CDC123: variants seen among roughly 807,000 people sequenced by gnomAD.
The protein encoded by CDC123 is cell division cycle 123.
CDC123 carries 37 observed loss-of-function variants against 54.4 expected under a neutral mutation model. The observed-to-expected ratio is 0.68, with a 90% CI of 0.52 to 0.89. The LOEUF (loss-of-function observed/expected upper bound fraction) is 0.89, where lower values mean the gene tolerates loss of function less well. CDC123 is among the 40% of genes least tolerant of loss of function. The pLI is 0.00. For synonymous variants in CDC123, 144 were observed against 136.8 expected (o/e 1.05, Z -0.37); for missense variants, 361 against 412.1 (o/e 0.88, Z 1.07).
At chr10:12,223,088 G>A (rs1332375385) in intron 6 of CDC123, among the ~76,000 whole-genome samples, 3 of 151,348 alleles carry the variant, frequency 2.0e-5, no homozygotes, top group Admixed American at 2.0e-4. Flanking sequence ...TAGAGACGGG[G>A]TTTCACCGTA....
At chr10:12,209,120 C>G (rs548567703) in intron 2 of CDC123, among the ~76,000 whole-genome samples, 12 of 152,276 alleles carry the variant, frequency 7.9e-5, no homozygotes, top group Admixed American at 7.8e-4. Context: ...CTAGATGATT[C>G]TCAGTATTAT....
At position 12,248,143 on chromosome 10, in the gene CDC123, C is replaced by G. The variant is rs562781957; in HGVS notation, c.847-1438C>G. On this transcript the variant is annotated intron_variant, in intron 11 of 12. Transcript: ENST00000281141. Reference sequence around the variant, plus strand: ...ATAGACCTTTGTAAATAAATGAAATCATACTACATACTCAATTACATGTCC... The same window carrying G: ...ATAGACCTTTGTAAATAAATGAAATGATACTACATACTCAATTACATGTCC... Among the ~76,000 whole-genome samples, 8 of 152,278 alleles carry G rather than the reference C, an allele frequency of 5.3e-5. No individual in the cohort carries two copies. The East Asian group carries it at 1.5e-3, about 29-fold the overall frequency.
intron 11 of CDC123, chr10:12,246,521 G>C (rs965652074): frequency 2.7e-6 from 1 of 370,660 alleles, no homozygotes; most frequent in African/African-American, 2.1e-5. Flanking sequence ...AGCTTCTTCT[G>C]TCACACCCAC....
chr10:12,235,594 GT>G (rs1835968567), intron 8 of CDC123, among the ~76,000 whole-genome samples: 1 of 152,148 alleles, frequency 6.6e-6, no homozygotes, highest in South Asian at 2.1e-4. Context: ...TTCCTCTCAG[GT>G]TACTGTTCTG....
At position 12,239,964 on chromosome 10, in the gene CDC123, C is replaced by T. The variant is rs1472807888; in HGVS notation, c.717+1479C>T. On this transcript the variant is annotated intron_variant, in intron 10 of 12. Transcript: ENST00000281141. ...CGGAGCTTGCAGTGAGCCGAGATCGCGCCACTGCACTCCAGCCTGGGCTAC... is the reference window on the plus strand; with the variant it reads ...CGGAGCTTGCAGTGAGCCGAGATCGTGCCACTGCACTCCAGCCTGGGCTAC... Among the ~76,000 whole-genome samples, 5 of 146,904 alleles carry T rather than the reference C, an allele frequency of 3.4e-5. No individual in the cohort carries two copies. The East Asian group carries it at 8.0e-4, about 24-fold the overall frequency.
chr10:12,204,781 C>G (rs1260032365), intron 2 of CDC123, among the ~76,000 whole-genome samples: 1 of 151,966 alleles, frequency 6.6e-6, no homozygotes, highest in Non-Finnish European at 1.5e-5. Context: ...CACCTGAGGT[C>G]AGGAGTTCAA....
intron 3 of CDC123, 108 bp downstream of exon 3, chr10:12,210,132 T>G: frequency 1.4e-6 from 2 of 1,449,442 alleles, no homozygotes; most frequent in South Asian, 2.4e-5. Flanking sequence ...AATGAGAAAT[T>G]ACGTGAGAAT....
intron 10 of CDC123, among the ~76,000 whole-genome samples, chr10:12,239,569 G>A (rs1459503217): frequency 2.0e-5 from 3 of 151,822 alleles, no homozygotes; most frequent in East Asian, 1.9e-4. Flanking sequence ...AAAATTAGCC[G>A]GGCATGGTGG....
intron 6 of CDC123, among the ~76,000 whole-genome samples, chr10:12,228,562 G>A (rs1379636858): frequency 6.6e-6 from 1 of 151,280 alleles, no homozygotes; most frequent in Non-Finnish European, 1.5e-5. Flanking sequence ...TACACCACCA[G>A]GCCTGGCTAA....
At chr10:12,209,624 G>A (rs938805743) in intron 2 of CDC123, among the ~76,000 whole-genome samples, 2 of 152,048 alleles carry the variant, frequency 1.3e-5, no homozygotes, top group African/African-American at 4.8e-5. Context: ...GCAGTGGCAC[G>A]ATCTTAACTC....
intron 6 of CDC123, among the ~76,000 whole-genome samples, chr10:12,217,980 T>G (rs1171533110): frequency 6.6e-6 from 1 of 152,016 alleles, no homozygotes; most frequent in East Asian, 1.9e-4. Context: ...TCTCAGCTAC[T>G]CGGGAGGCTG....
chr10:12,212,254 T>G (rs1835612727), intron 4 of CDC123, among the ~76,000 whole-genome samples: 1 of 152,120 alleles, frequency 6.6e-6, no homozygotes, highest in South Asian at 2.1e-4. Flanking sequence ...TTGATCTTGG[T>G]TTCTAAATAC....
intron 2 of CDC123, among the ~76,000 whole-genome samples, chr10:12,199,988 A>C (rs535506318): frequency 2.0e-5 from 3 of 150,998 alleles, no homozygotes; most frequent in African/African-American, 7.3e-5. Flanking sequence ...CGCCTGGCTA[A>C]TTTTTTTTAT....
chr10:12,220,901 C>T (rs765544493), intron 6 of CDC123, among the ~76,000 whole-genome samples: 100 of 151,818 alleles, frequency 6.6e-4, no homozygotes, highest in Non-Finnish European at 8.8e-4. Context: ...GGCGTGAACC[C>T]GGGAGGCGGA....
At position 12,210,457 on chromosome 10, in the gene CDC123, C is replaced by A; in HGVS notation, c.237+135C>A. The A allele has an allele frequency of 2.8e-6, 3 of 1,085,906 alleles. No individual in the cohort carries two copies. In the South Asian group the frequency reaches 6.4e-5, roughly 23 times the overall value. The allele number at this position is 1,085,906 out of a possible 1,614,324, so 67.3% of individuals were successfully genotyped here. Reference sequence around the variant, plus strand: ...ATATATTATTTTCCCTGTGGGCTGTCGTTTTTATTTTGAAAAATAACTTGA... The same window carrying A: ...ATATATTATTTTCCCTGTGGGCTGTAGTTTTTATTTTGAAAAATAACTTGA... On this transcript the variant is annotated intron_variant, in intron 4 of 12. Coordinates refer to ENST00000281141, the MANE Select transcript of CDC123 (RefSeq NM_006023.3).
In CDC123 at chr10:12,217,404, C is replaced by G. The variant is rs756604050; in HGVS notation, c.377C>G (p.Thr126Ser). 1.2e-6 allele frequency: 2 copies of G among 1,613,948 alleles called. No individual in the cohort carries two copies. Among genetic ancestry groups the G allele is most frequent in the Non-Finnish European group, 1.7e-6 (2 of 1,179,914 alleles). The change falls in exon 6 of 13, where the codon ACC becomes AGC. Residue 126 changes from threonine (T) to serine (S), a missense_variant. Coordinates refer to ENST00000281141, the MANE Select transcript of CDC123 (RefSeq NM_006023.3). ...ATGAATAGTTCTCTGAAATGTAAAA[C>G]CCTCAGCGACATCTTTCTGCTTTTC... ...IAMNSSLKCK[T>S]LSDIFLLFKS...
chr10:12,203,546 T>C (rs995479383), intron 2 of CDC123, among the ~76,000 whole-genome samples: 1 of 152,176 alleles, frequency 6.6e-6, no homozygotes, highest in African/African-American at 2.4e-5. Flanking sequence ...ATGCTTGGTT[T>C]GATTCTCGTT....
At chr10:12,218,719 G>A (rs1438736935) in intron 6 of CDC123, among the ~76,000 whole-genome samples, 2 of 152,124 alleles carry the variant, frequency 1.3e-5, no homozygotes, top group Admixed American at 1.3e-4. Context: ...AACTCTTTGT[G>A]CACTCCCCTA....
chr10:12,240,086 TAGAC>T (rs1836037332), intron 10 of CDC123, among the ~76,000 whole-genome samples: 4 of 152,126 alleles, frequency 2.6e-5, no homozygotes, highest in Admixed American at 1.3e-4. Context: ...CTTTTATCTT[TAGAC>T]AGAAGAGGAT....
Sources: gnomAD v4.1 joint callset for allele counts (sites outside exome capture counted in the v4.1 genomes callset) on GRCh38, gnomAD v4.1.1 for gene constraint, MANE v1.5 for transcripts, NCBI Gene and HGNC (gene_info 2026-07-23, HGNC 2026-07-21) for gene names.